FRMD4B: variants seen among roughly 807,000 people sequenced by gnomAD.
The protein encoded by FRMD4B is FERM domain containing 4B.
FRMD4B carries 74 observed loss-of-function variants against 141.5 expected under a neutral mutation model. That is an observed-to-expected ratio of 0.52 (90% CI 0.43 to 0.63). FRMD4B has a LOEUF of 0.63. FRMD4B is among the 30% of genes least tolerant of loss of function. The pLI, the probability that FRMD4B is intolerant of heterozygous loss-of-function variation, is 0.00. For synonymous variants in FRMD4B, 506 were observed against 467.9 expected (o/e 1.08, Z -1.05); for missense variants, 1,366 against 1,253.4 (o/e 1.09, Z -1.36).
At chr3:69,402,497 T>G (rs1704581200) in intron 2 of FRMD4B, among the ~76,000 whole-genome samples, 1 of 152,196 alleles carries the variant, frequency 6.6e-6, no homozygotes, top group Non-Finnish European at 1.5e-5. Context: ...CTCTCTTACT[T>G]TAGGAGATCT....
intron 1 of FRMD4B, among the ~76,000 whole-genome samples, chr3:69,445,198 T>C (rs1177701524): frequency 6.6e-6 from 1 of 152,084 alleles, no homozygotes; most frequent in Non-Finnish European, 1.5e-5. Flanking sequence ...AAAAAGAAGG[T>C]TGTGATTAGA....
chr3:69,492,985 A>C (rs1200269579), intron 1 of FRMD4B, among the ~76,000 whole-genome samples: 1 of 152,228 alleles, frequency 6.6e-6, no homozygotes. Context: ...CTTCAGTCTC[A>C]GGTGCTCCAT....
chr3:69,300,833 G>A (rs1312975438), intron 4 of FRMD4B, among the ~76,000 whole-genome samples: 1 of 152,120 alleles, frequency 6.6e-6, no homozygotes, highest in Admixed American at 6.5e-5. Flanking sequence ...CCGCCTCCAG[G>A]GTTCAAGCTA....
intron 1 of FRMD4B, among the ~76,000 whole-genome samples, chr3:69,361,916 G>A (rs577336465): frequency 9.9e-5 from 15 of 152,278 alleles, no homozygotes; most frequent in Non-Finnish European, 1.9e-4. Flanking sequence ...ATGAATGTAC[G>A]TTTAACTGCC....
At chr3:69,350,159 C>T (rs541338330) in intron 1 of FRMD4B, among the ~76,000 whole-genome samples, 150 of 152,236 alleles carry the variant, frequency 9.9e-4, no homozygotes, top group African/African-American at 3.5e-3. Flanking sequence ...AAAAAGTGGG[C>T]AAAGGATATG....
chr3:69,196,790 A>G, intron 13 of FRMD4B, 110 bp downstream of exon 13: 1 of 813,192 alleles, frequency 1.2e-6, no homozygotes, highest in Non-Finnish European at 1.9e-6. Context: ...ACGCAAAAAA[A>G]TCTCAGAGAG....
chr3:69,496,861 T>A (rs1003476704), intron 1 of FRMD4B, among the ~76,000 whole-genome samples: 9 of 151,940 alleles, frequency 5.9e-5, no homozygotes, highest in African/African-American at 2.2e-4. Flanking sequence ...TGATTGTATC[T>A]GACCCCCAAG....
At chr3:69,455,253 G>A (rs188055368) in intron 1 of FRMD4B, among the ~76,000 whole-genome samples, 1 of 152,364 alleles carries the variant, frequency 6.6e-6, no homozygotes, top group Admixed American at 6.5e-5. Context: ...AAAGCAGGCT[G>A]CCAGAGGCCA....
At chr3:69,274,837 T>G (rs1245715237) in intron 5 of FRMD4B, among the ~76,000 whole-genome samples, 1 of 152,212 alleles carries the variant, frequency 6.6e-6, no homozygotes, top group Non-Finnish European at 1.5e-5. Context: ...GATTCTTTAA[T>G]CATTCACTCC....
chr3:69,292,699 GA>G (rs1700911610), intron 4 of FRMD4B, among the ~76,000 whole-genome samples: 1 of 151,834 alleles, frequency 6.6e-6, no homozygotes, highest in African/African-American at 2.4e-5. Context: ...GGGCTTTGGG[GA>G]AAATGGCTCT....
At chr3:69,509,219 T>G (rs577835908) in intron 1 of FRMD4B, among the ~76,000 whole-genome samples, 36 of 152,302 alleles carry the variant, frequency 2.4e-4, no homozygotes, top group African/African-American at 8.7e-4. Flanking sequence ...AAGGAGAGAT[T>G]CTGACCATTT....
In FRMD4B at chr3:69,323,626, A is replaced by G. The variant is rs1294342923; in HGVS notation, c.163-10109T>C. On this transcript the variant is annotated intron_variant, in intron 1 of 22. Coordinates refer to ENST00000398540, the MANE Select transcript of FRMD4B (RefSeq NM_015123.3). ...TCTCTGTGTATATATATATATATAT[A>G]TATATATATATATATATATATATAT... is the stretch of plus-strand genomic sequence containing the variant. Among the ~76,000 whole-genome samples the G allele has an allele frequency of 6.5e-4, 34 of 52,410 alleles. 1 individual carries two copies. Among genetic ancestry groups the G allele is most frequent in the East Asian group, 1.9e-3 (7 of 3,748 alleles). 34.4% of individuals were successfully genotyped at this position (52,410 alleles called of 152,430 possible).
At chr3:69,474,481 G>GTT (rs1705949437) in intron 1 of FRMD4B, among the ~76,000 whole-genome samples, 1 of 152,114 alleles carries the variant, frequency 6.6e-6, no homozygotes, top group African/African-American at 2.4e-5. Context: ...GTGACTGACA[G>GTT]TTTATTAAAA....
intron 19 of FRMD4B, among the ~76,000 whole-genome samples, chr3:69,183,147 G>C (rs1355198778): frequency 1.3e-5 from 2 of 152,156 alleles, no homozygotes; most frequent in African/African-American, 2.4e-5. Flanking sequence ...ATGGTCTCTA[G>C]AGCGACTACT....
intron 7 of FRMD4B, among the ~76,000 whole-genome samples, chr3:69,241,715 A>T (rs4855368): frequency 0.96 from 146,640 of 152,110 alleles, 70,925 homozygotes; most frequent in South Asian, 1. Flanking sequence ...CTGGCCAACA[A>T]GGTAAAACCC....
chr3:69,449,991 C>T (rs1223842574), intron 1 of FRMD4B, among the ~76,000 whole-genome samples: 1 of 152,118 alleles, frequency 6.6e-6, no homozygotes, highest in African/African-American at 2.4e-5. Flanking sequence ...AGTTACTTTA[C>T]CTTCCTCAGC....
chr3:69,430,961 G>A (rs1194598491), intron 2 of FRMD4B, among the ~76,000 whole-genome samples: 5 of 152,166 alleles, frequency 3.3e-5, no homozygotes. Context: ...GGCTCCTTTA[G>A]TAGAGAAGCC....
At chr3:69,384,610 G>A (rs1223853488) in intron 1 of FRMD4B, among the ~76,000 whole-genome samples, 1 of 152,184 alleles carries the variant, frequency 6.6e-6, no homozygotes, top group African/African-American at 2.4e-5. Context: ...TGCTGCCCTG[G>A]TTCCCAACCT....
At chr3:69,481,928 A>T (rs1286752481) in intron 1 of FRMD4B, among the ~76,000 whole-genome samples, 1 of 152,208 alleles carries the variant, frequency 6.6e-6, no homozygotes, top group Non-Finnish European at 1.5e-5. Context: ...AAAGAAGGAG[A>T]CACAGGTAGA....
Sources: gnomAD v4.1 joint callset for allele counts (sites outside exome capture counted in the v4.1 genomes callset) on GRCh38, gnomAD v4.1.1 for gene constraint, MANE v1.5 for transcripts, NCBI Gene and HGNC (gene_info 2026-07-23, HGNC 2026-07-21) for gene names.